GRM5: variants seen among roughly 807,000 people sequenced by gnomAD.
GRM5 encodes glutamate metabotropic receptor 5.
Under a neutral mutation model 83.1 loss-of-function variants are expected in GRM5, and 19 were observed. The observed-to-expected ratio is 0.23, with a 90% CI of 0.16 to 0.34. The LOEUF is 0.34. Ranked by LOEUF, GRM5 falls within the 10% of genes least tolerant of loss-of-function variation. The pLI is 1.00. For synonymous variants in GRM5, 675 were observed against 633.6 expected (o/e 1.07, Z -0.98); for missense variants, 1,160 against 1,588.3 (o/e 0.73, Z 4.58).
intron 3 of GRM5, among the ~76,000 whole-genome samples, chr11:88,834,180 C>A (rs1340697942): frequency 6.6e-6 from 1 of 151,844 alleles, no homozygotes; most frequent in African/African-American, 2.4e-5. Flanking sequence ...ATACCCTAAC[C>A]CTAACATGAT....
rs539730057 is a variant in GRM5, at chr11:88,975,283, C to G, written c.661+71929G>C. 4.6e-5 allele frequency among the ~76,000 whole-genome samples: 7 copies of G among 152,290 alleles called. No individual in the cohort carries two copies. In the East Asian group the frequency reaches 1.4e-3, roughly 29 times the overall value. ...CAATTCCAGCACTGGGAGAAACAAT[C>G]TGGTATAGAGGAAGGGAGTGAGAAG... On this transcript the variant is annotated intron_variant, in intron 2 of 9. Transcript: ENST00000305447.
intron 8 of GRM5, among the ~76,000 whole-genome samples, chr11:88,554,963 A>C (rs958097064): frequency 6.6e-6 from 1 of 152,172 alleles, no homozygotes; most frequent in African/African-American, 2.4e-5. Flanking sequence ...AATATGGAGC[A>C]AACAGGAAGG....
chr11:89,006,035 G>A (rs899560383), intron 2 of GRM5, among the ~76,000 whole-genome samples: 2 of 152,284 alleles, frequency 1.3e-5, no homozygotes, highest in Admixed American at 6.5e-5. Context: ...AAGGCGTCCA[G>A]GGGTTTGAAA....
intron 7 of GRM5, among the ~76,000 whole-genome samples, chr11:88,578,329 G>T (rs1040165404): frequency 6.6e-6 from 1 of 152,104 alleles, no homozygotes; most frequent in Admixed American, 6.5e-5. Flanking sequence ...GCAATAGTTA[G>T]CACTGTATCA....
In GRM5 at chr11:88,508,149, A is replaced by G. The variant is rs2135069675; in HGVS notation, c.*443T>C. 6.5e-6 allele frequency: 1 copy of G among 153,286 alleles called. No homozygotes were observed. The highest frequency in any genetic ancestry group is 3.4e-3 in the Middle Eastern group (1 of 294). 9.5% of individuals were successfully genotyped at this position (153,286 alleles called of 1,614,324 possible). ...TTTGGTCCCAGATTTTGAGTTTGTT[A>G]GAAAATGTACATTCATGTTTGGTGA... On this transcript the variant is annotated 3_prime_UTR_variant, in exon 10 of 10. Coordinates refer to ENST00000305447, the MANE Select transcript of GRM5 (RefSeq NM_001143831.3). This position sits in a 1 kb window ranked among gnomAD's most constrained non-coding sequence, Gnocchi z 4.2.
intron 3 of GRM5, among the ~76,000 whole-genome samples, chr11:88,828,358 G>C (rs1943928653): frequency 6.6e-6 from 1 of 152,068 alleles, no homozygotes; most frequent in South Asian, 2.1e-4. Flanking sequence ...TTGAGATATA[G>C]GTAATTGTAC....
chr11:89,003,468 T>C (rs1410274429), intron 2 of GRM5, among the ~76,000 whole-genome samples: 1 of 152,038 alleles, frequency 6.6e-6, no homozygotes, highest in Non-Finnish European at 1.5e-5. Flanking sequence ...AGCAATGTAA[T>C]ATAGCATGCA....
At chr11:88,803,517 C>T (rs922548675) in intron 3 of GRM5, among the ~76,000 whole-genome samples, 3 of 152,076 alleles carry the variant, frequency 2.0e-5, no homozygotes, top group African/African-American at 7.2e-5. Context: ...CTTCCTTACA[C>T]CTTATACAAA....
chr11:88,580,978 T>C (rs1371283305), intron 7 of GRM5, among the ~76,000 whole-genome samples: 1 of 152,076 alleles, frequency 6.6e-6, no homozygotes, highest in Non-Finnish European at 1.5e-5. Flanking sequence ...CATGGTGGCA[T>C]GCGCCTGTAG....
chr11:88,536,343 T>A (rs1942134226), intron 8 of GRM5, among the ~76,000 whole-genome samples: 1 of 152,018 alleles, frequency 6.6e-6, no homozygotes, highest in Admixed American at 6.5e-5. Flanking sequence ...CAGTGACAGA[T>A]CCATATACAA....
intron 2 of GRM5, among the ~76,000 whole-genome samples, chr11:88,962,432 A>G (rs573391312): frequency 6.6e-6 from 1 of 152,330 alleles, no homozygotes; most frequent in Non-Finnish European, 1.5e-5. Context: ...ATTCATTCAT[A>G]TATCTACTCA....
chr11:88,778,462 A>C (rs1208963619), intron 3 of GRM5, among the ~76,000 whole-genome samples: 2 of 152,110 alleles, frequency 1.3e-5, no homozygotes, highest in African/African-American at 4.8e-5. Context: ...GGCTGCACCC[A>C]CTGTCCAACC....
chr11:89,012,135 C>T lies in GRM5; in HGVS notation c.661+35077G>A, dbSNP rs186908818. ...GGGAGTGAGTGAAGAATGGAAGAGA[C>T]AAAAGAAGAAACAAATAATTTAGAA... On this transcript the variant is annotated intron_variant, in intron 2 of 9. Transcript: ENST00000305447. Among the ~76,000 whole-genome samples the T allele has an allele frequency of 4.7e-3, 715 of 151,754 alleles. 9 individuals are homozygous for T. Among genetic ancestry groups the T allele is most frequent in the African/African-American group, 0.016 (670 of 41,370 alleles).
intron 8 of GRM5, among the ~76,000 whole-genome samples, chr11:88,548,036 T>G (rs550389229): frequency 6.6e-6 from 1 of 152,286 alleles, no homozygotes; most frequent in South Asian, 2.1e-4. Context: ...ACCAAAAATG[T>G]GTGTCCAGGT....
In GRM5 at chr11:88,508,990, A is replaced by AGTT; in HGVS notation, c.3240_3241insAAC (p.Leu1080_Ser1081insAsn). On this transcript the variant is annotated inframe_insertion, in exon 10 of 10. Coordinates refer to ENST00000305447, the MANE Select transcript of GRM5 (RefSeq NM_001143831.3). The surrounding 1 kb of genome is among the most constrained non-coding windows in gnomAD (Gnocchi z 4.2). ...ACGCCGGGGCTGGGGGCCGCGGTGG[A>AGTT]CAGCATCATGGAGTTGAGCTCGCTG... 1 of 1,580,748 alleles carries AGTT rather than the reference A, an allele frequency of 6.3e-7. No individual in the cohort carries two copies. The highest frequency in any genetic ancestry group is 8.6e-7 in the Non-Finnish European group (1 of 1,163,024).
intron 2 of GRM5, among the ~76,000 whole-genome samples, chr11:88,917,984 A>G (rs1945622980): frequency 6.6e-6 from 1 of 152,154 alleles, no homozygotes; most frequent in African/African-American, 2.4e-5. Flanking sequence ...ACAAGGTTAT[A>G]GAACACAAGC....
chr11:88,661,013 C>A (rs1239611254), intron 3 of GRM5, among the ~76,000 whole-genome samples: 1 of 152,144 alleles, frequency 6.6e-6, no homozygotes, highest in African/African-American at 2.4e-5. Flanking sequence ...AACTAATATT[C>A]TAAATATGTG....
intron 2 of GRM5, among the ~76,000 whole-genome samples, chr11:88,913,196 T>A (rs5001807): frequency 1.3e-5 from 2 of 152,166 alleles, no homozygotes; most frequent in Non-Finnish European, 2.9e-5. Context: ...ATGGCCAGAA[T>A]TGAGCACAGT....
chr11:88,623,034 CTTG>C (rs1938684072), intron 4 of GRM5, among the ~76,000 whole-genome samples: 1 of 152,020 alleles, frequency 6.6e-6, no homozygotes, highest in Non-Finnish European at 1.5e-5. Context: ...CAAGCAACTG[CTTG>C]TTAAGTGTTA....
Sources: gnomAD v4.1 joint callset for allele counts (sites outside exome capture counted in the v4.1 genomes callset) on GRCh38, gnomAD v4.1.1 for gene constraint, Gnocchi (gnomAD v3.1) non-coding constraint, MANE v1.5 for transcripts, NCBI Gene and HGNC (gene_info 2026-07-23, HGNC 2026-07-21) for gene names.